The following IL18R1 variants were observed in gnomAD, a reference collection of about 807,000 sequenced individuals.
The protein encoded by IL18R1 is interleukin-18 receptor 1.
IL18R1 carries 40 observed loss-of-function variants against 48.5 expected under a neutral mutation model. That is an observed-to-expected ratio of 0.82 (90% CI 0.64 to 1.07). The LOEUF is 1.07. Ranked by LOEUF, IL18R1 falls within the 50% of genes least tolerant of loss-of-function variation. The probability of loss-of-function intolerance (pLI) is 0.00; values close to 1 mark genes in which losing one functional copy is unlikely to be tolerated. For synonymous variants in IL18R1, 232 were observed against 225.9 expected, an observed-to-expected ratio of 1.03 and a Z score of -0.24; for missense variants, 596 against 633.7, an observed-to-expected ratio of 0.94 and a Z score of 0.64.
intron 4 of IL18R1, among the ~76,000 whole-genome samples, chr2:102,375,115 A>C (rs1175851005): frequency 6.6e-6 from 1 of 152,194 alleles, no homozygotes; most frequent in East Asian, 1.9e-4. Context: ...GCCAGCTCTG[A>C]GGGAGAAGTC....
intron 1 of IL18R1, among the ~76,000 whole-genome samples, chr2:102,361,610 A>T (rs551356118): frequency 2.0e-5 from 3 of 152,218 alleles, no homozygotes; most frequent in Non-Finnish European, 4.4e-5. Flanking sequence ...CCATTTTGGT[A>T]ATGACCAAAT....
At chr2:102,394,381 TA>T (rs1253410667) in intron 9 of IL18R1, 87 bp from the exon 10 acceptor site, 2 of 1,085,826 alleles carry the variant, frequency 1.8e-6, no homozygotes, top group Non-Finnish European at 2.7e-6. Flanking sequence ...AATGATTCTA[TA>T]CTCATTACTT....
intron 3 of IL18R1, among the ~76,000 whole-genome samples, chr2:102,369,614 C>A (rs1679129866): frequency 6.6e-6 from 1 of 152,160 alleles, no homozygotes; most frequent in Non-Finnish European, 1.5e-5. Context: ...ATAGAAGATA[C>A]AGACATATTC....
At chr2:102,394,865 A>G (rs1305189113) in intron 10 of IL18R1, among the ~76,000 whole-genome samples, 1 of 152,152 alleles carries the variant, frequency 6.6e-6, no homozygotes, top group Non-Finnish European at 1.5e-5. Flanking sequence ...ACTTTGGGGA[A>G]AGGGAGAGGG....
intron 1 of IL18R1, among the ~76,000 whole-genome samples, chr2:102,362,371 G>C (rs1212707320): frequency 6.6e-6 from 1 of 152,120 alleles, no homozygotes; most frequent in Non-Finnish European, 1.5e-5. Context: ...TAGTAGACCA[G>C]GCCTGAAATT....
chr2:102,385,995 A>G (rs768806391), intron 7 of IL18R1, among the ~76,000 whole-genome samples: 14 of 152,174 alleles, frequency 9.2e-5, no homozygotes, highest in Non-Finnish European at 1.8e-4. Context: ...TGTCCTCTCA[A>G]TGGCCTCCTG....
At chr2:102,372,762 C>T (rs1020200725) in intron 4 of IL18R1, among the ~76,000 whole-genome samples, 3 of 152,100 alleles carry the variant, frequency 2.0e-5, no homozygotes, top group African/African-American at 7.2e-5. Flanking sequence ...TAACTAACCC[C>T]CTTGTTTCGT....
chr2:102,363,499 T>A (rs1317652985), intron 2 of IL18R1, among the ~76,000 whole-genome samples: 1 of 152,216 alleles, frequency 6.6e-6, no homozygotes, highest in Non-Finnish European at 1.5e-5. Context: ...CCTACCCAGA[T>A]GATAAAAGAA....
At chr2:102,362,572 A>G (rs1678639720) in intron 1 of IL18R1, 61 bp from the exon 2 acceptor site, 4 of 1,145,988 alleles carry the variant, frequency 3.5e-6, no homozygotes, top group Non-Finnish European at 5.0e-6. Flanking sequence ...TTAAACCTTC[A>G]TAAGATAGGC....
At chr2:102,382,550 A>G (rs1353779124) in intron 6 of IL18R1, among the ~76,000 whole-genome samples, 1 of 152,212 alleles carries the variant, frequency 6.6e-6, no homozygotes, top group Non-Finnish European at 1.5e-5. Context: ...GGTCATTGAA[A>G]TATATTGTTG....
At chr2:102,387,380 G>C (rs1442902547) in intron 8 of IL18R1, among the ~76,000 whole-genome samples, 1 of 152,174 alleles carries the variant, frequency 6.6e-6, no homozygotes, top group Non-Finnish European at 1.5e-5. Flanking sequence ...GTGCAAACTT[G>C]GTGTGACTGC....
At position 102,356,351 on chromosome 2, in the gene IL18R1, G is replaced by A. The variant is rs1678249304; in HGVS notation, c.-78G>A. 2.0e-6 allele frequency: 2 copies of A among 985,236 alleles called. No individual in the cohort carries two copies. Among genetic ancestry groups the A allele is most frequent in the African/African-American group, 3.5e-5 (2 of 57,288 alleles). The allele number at this position is 985,236 out of a possible 1,614,324, so 61.0% of individuals were successfully genotyped here. A position where few individuals can be genotyped will look rare whatever the true frequency, so the allele number is the denominator to read the frequency against. ...GGCCTCCGCAGTCGCGACCTGGCGT[G>A]AAGGAGGAGCTGCCGCCCCCGCCCC... On this transcript the variant is annotated 5_prime_UTR_variant, in exon 1 of 11. Transcript: ENST00000233957.
intron 1 of IL18R1, among the ~76,000 whole-genome samples, chr2:102,357,518 G>T (rs973672649): frequency 2.6e-5 from 4 of 151,890 alleles, no homozygotes; most frequent in African/African-American, 7.3e-5. Context: ...AAAAGAAAAG[G>T]CAGGGTCCCT....
At chr2:102,390,724 G>C (rs988104526) in intron 9 of IL18R1, among the ~76,000 whole-genome samples, 2 of 151,932 alleles carry the variant, frequency 1.3e-5, no homozygotes, top group African/African-American at 4.8e-5. Context: ...ACGAGGTCAG[G>C]AGATCGAGAC....
intron 1 of IL18R1, among the ~76,000 whole-genome samples, chr2:102,361,959 A>G (rs1678600510): frequency 6.6e-6 from 1 of 152,146 alleles, no homozygotes; most frequent in Non-Finnish European, 1.5e-5. Flanking sequence ...TCATCTCTCC[A>G]TTTCCCTAAA....
chr2:102,375,761 C>A, intron 4 of IL18R1, 146 bp from the exon 5 acceptor site: 1 of 519,754 alleles, frequency 1.9e-6, no homozygotes, highest in Non-Finnish European at 3.4e-6. Context: ...AAAGTAGTAC[C>A]AAGTAACTGG....
rs1190200370 is a variant in IL18R1 at position 102,397,762 on chromosome 2, A to AGGCAGCAT, written c.*879_*886dup. ...ACATATTAAAAATGCCCTTGGCATA[A>AGGCAGCAT]GGCAGCATGGTGTGGCAGTTAAGAG... On this transcript the variant is annotated 3_prime_UTR_variant, in exon 11 of 11. Transcript: ENST00000233957. 4 of 152,460 alleles carry AGGCAGCAT rather than the reference A, an allele frequency of 2.6e-5. No individual in the cohort carries two copies. The highest frequency in any genetic ancestry group is 9.6e-5 in the African/African-American group (4 of 41,572). 9.4% of individuals were successfully genotyped at this position (152,460 alleles called of 1,614,324 possible).
At chr2:102,373,115 C>T (rs1261279473) in intron 4 of IL18R1, among the ~76,000 whole-genome samples, 2 of 152,132 alleles carry the variant, frequency 1.3e-5, no homozygotes, top group Non-Finnish European at 2.9e-5. Flanking sequence ...GGTTTTTTCA[C>T]TTTTCTTAGT....
rs1160852652 is a variant in IL18R1, at chr2:102,396,965, T to C, written c.*79T>C. 3 of 809,696 alleles carry C rather than the reference T, an allele frequency of 3.7e-6. No individual in the cohort carries two copies. Among genetic ancestry groups the C allele is most frequent in the Non-Finnish European group, 5.9e-6 (3 of 511,578 alleles). 50.2% of individuals were successfully genotyped at this position (809,696 alleles called of 1,614,324 possible). On this transcript the variant is annotated 3_prime_UTR_variant, in exon 11 of 11. Coordinates refer to ENST00000233957, the MANE Select transcript of IL18R1 (RefSeq NM_003855.5). ...ATATGAACCTGTTCATAACAAAGGC[T>C]GTGACTCGAAATAATTAACTTTGTC...
Sources: gnomAD v4.1 joint callset for allele counts (sites outside exome capture counted in the v4.1 genomes callset) on GRCh38, gnomAD v4.1.1 for gene constraint, MANE v1.5 for transcripts, NCBI Gene and HGNC (gene_info 2026-07-23, HGNC 2026-07-21) for gene names.